Variants in LYRM4 observed in about 807,000 individuals in gnomAD.
LYRM4 encodes the protein LYR motif-containing protein 4.
A neutral mutation model predicts 11.7 loss-of-function variants in LYRM4; 9 were observed. The ratio of observed to expected loss-of-function variants is 0.77; its 90% CI spans 0.46 to 1.34. The LOEUF (loss-of-function observed/expected upper bound fraction) is 1.34, where lower values mean the gene tolerates loss of function less well. LYRM4 is among the 40% of genes most tolerant of loss of function. The pLI is 0.00. For synonymous variants in LYRM4, 42 were observed against 40.4 expected (o/e 1.04, Z -0.15); for missense variants, 133 against 112.5 (o/e 1.18, Z -0.82).
In LYRM4 at chr6:5,229,338, A is replaced by C. The variant is rs544363480; in HGVS notation, c.87-12600T>G. ...AGGCTGTTGAGGTTGGAAATGGCCA[A>C]TGTGGTGGTACCAATTTGCCAAAGC... On this transcript the variant is annotated intron_variant, in intron 1 of 2. Transcript: ENST00000330636. Among the ~76,000 whole-genome samples, 28 of 152,334 alleles carry C rather than the reference A, an allele frequency of 1.8e-4. 1 individual carries two copies. In the South Asian group the frequency reaches 5.8e-3, roughly 32 times the overall value.
intron 2 of LYRM4, among the ~76,000 whole-genome samples, chr6:5,128,186 A>G (rs1271724366): frequency 6.6e-6 from 1 of 152,200 alleles, no homozygotes; most frequent in Non-Finnish European, 1.5e-5. Context: ...TTGGATTAAT[A>G]AAAATTAAGT....
intron 2 of LYRM4, among the ~76,000 whole-genome samples, chr6:5,149,222 A>G (rs1757951987): frequency 6.6e-6 from 1 of 152,246 alleles, no homozygotes; most frequent in Admixed American, 6.5e-5. Flanking sequence ...TGATAACACT[A>G]AAATGAGGGC....
intron 2 of LYRM4, chr6:5,136,464 C>G: frequency 1.0e-6 from 1 of 967,132 alleles, no homozygotes; most frequent in Non-Finnish European, 1.2e-6. Context: ...CTCTGCCAAT[C>G]ACTGGCTCCG....
chr6:5,152,841 A>G (rs1758169025), intron 2 of LYRM4, among the ~76,000 whole-genome samples: 1 of 152,128 alleles, frequency 6.6e-6, no homozygotes, highest in Non-Finnish European at 1.5e-5. Context: ...GCAGACGGCA[A>G]CTCTTTACCC....
chr6:5,106,989 C>A (rs2127591465), downstream of LYRM4: 1 of 152,386 alleles, frequency 6.6e-6, no homozygotes, highest in Non-Finnish European at 1.5e-5. Context: ...TTATTCGAAG[C>A]TCTAGCATCA....
At chr6:5,152,500 T>C (rs907062273) in intron 2 of LYRM4, among the ~76,000 whole-genome samples, 1 of 152,120 alleles carries the variant, frequency 6.6e-6, no homozygotes, top group Non-Finnish European at 1.5e-5. Context: ...TACCCCATCG[T>C]ATCTTCTTTG....
chr6:5,182,752 C>G (rs984200587), intron 2 of LYRM4, among the ~76,000 whole-genome samples: 3 of 152,192 alleles, frequency 2.0e-5, no homozygotes, highest in African/African-American at 7.2e-5. Flanking sequence ...TGAGAGAGGA[C>G]AGTAATCAGT....
chr6:5,058,753 G>A, the LYRM4 span, among the ~76,000 whole-genome samples: 1 of 152,076 alleles, frequency 6.6e-6, no homozygotes. Flanking sequence ...ACAGCCCTGT[G>A]TCTCCCCACT....
intron 2 of LYRM4, among the ~76,000 whole-genome samples, chr6:5,142,498 G>C (rs1757462486): frequency 6.6e-6 from 1 of 152,182 alleles, no homozygotes; most frequent in African/African-American, 2.4e-5. Flanking sequence ...ATAGAAGTGG[G>C]ATGTGGCAAT....
chr6:5,093,417 A>C, the LYRM4 span, among the ~76,000 whole-genome samples: 4 of 152,278 alleles, frequency 2.6e-5, no homozygotes, highest in African/African-American at 9.6e-5. Context: ...TGGGGCTCCA[A>C]GCCCAGGCTG....
chr6:5,252,207 G>A (rs905913489), intron 1 of LYRM4, among the ~76,000 whole-genome samples: 8 of 152,162 alleles, frequency 5.3e-5, no homozygotes, highest in African/African-American at 1.9e-4. Flanking sequence ...AGATTTTGCA[G>A]GCTTATTCAC....
intron 1 of LYRM4, among the ~76,000 whole-genome samples, chr6:5,242,805 C>T (rs1213429975): frequency 4.5e-4 from 65 of 144,338 alleles, no homozygotes; most frequent in African/African-American, 1.5e-3. Flanking sequence ...CTCGCTCTGT[C>T]GCCCAGGCCG....
chr6:5,119,248 A>G (rs1274155234), intron 2 of LYRM4, among the ~76,000 whole-genome samples: 1 of 152,150 alleles, frequency 6.6e-6, no homozygotes, highest in East Asian at 1.9e-4. Flanking sequence ...CCCGTGTCAC[A>G]GTTAATAATT....
At chr6:5,241,126 A>G (rs35869391) in intron 1 of LYRM4, among the ~76,000 whole-genome samples, 6,557 of 152,298 alleles carry the variant, frequency 0.043, 479 homozygotes, top group African/African-American at 0.14. Flanking sequence ...TTTTTATGAC[A>G]GTTAAATAAG....
intron 2 of LYRM4, among the ~76,000 whole-genome samples, chr6:5,155,161 A>T (rs1389263072): frequency 6.6e-6 from 1 of 152,126 alleles, no homozygotes; most frequent in Non-Finnish European, 1.5e-5. Context: ...GGCTCACTGC[A>T]AACTCTGTCT....
chr6:5,045,467 G>A, the LYRM4 span, among the ~76,000 whole-genome samples: 1 of 152,192 alleles, frequency 6.6e-6, no homozygotes, highest in Non-Finnish European at 1.5e-5. Flanking sequence ...GGGGAGAGAG[G>A]AAAGGGCAGT....
chr6:5,061,017 G>A, the LYRM4 span, among the ~76,000 whole-genome samples: 1 of 152,140 alleles, frequency 6.6e-6, no homozygotes, highest in African/African-American at 2.4e-5. Flanking sequence ...GTCAGGTGCA[G>A]CCTCAAGAGG....
intron 2 of LYRM4, among the ~76,000 whole-genome samples, chr6:5,112,245 T>C (rs1483805027): frequency 6.6e-6 from 1 of 152,236 alleles, no homozygotes; most frequent in East Asian, 1.9e-4. Context: ...CTCCAGTTCA[T>C]GTCTGTCTTC....
the LYRM4 span, chr6:5,089,233 A>C: frequency 1.3e-5 from 2 of 152,230 alleles, no homozygotes; most frequent in Admixed American, 1.3e-4. Flanking sequence ...CTGTTACTAA[A>C]TATAAAAGCT....
Sources: allele counts gnomAD v4.1 joint callset (sites outside exome capture counted in the v4.1 genomes callset), GRCh38; gene constraint gnomAD v4.1.1; transcripts MANE v1.5; gene names NCBI Gene and HGNC (gene_info 2026-07-23, HGNC 2026-07-21).